LGI2: variants seen among roughly 807,000 people sequenced by gnomAD.
LGI2 encodes leucine rich repeat LGI family member 2.
A neutral mutation model predicts 52.0 loss-of-function variants in LGI2; 30 were observed. That is an observed-to-expected ratio of 0.58 (90% CI 0.43 to 0.78). The LOEUF (loss-of-function observed/expected upper bound fraction) is 0.78, where lower values mean the gene tolerates loss of function less well. Among genes scored for constraint, LGI2 ranks in the 30% least tolerant of loss-of-function variants. The probability of loss-of-function intolerance (pLI) is 0.00; values close to 1 mark genes in which losing one functional copy is unlikely to be tolerated. For missense variants in LGI2, 573 were observed against 692.5 expected (o/e 0.83, Z 1.94); for synonymous variants, 270 against 271.8 (o/e 0.99, Z 0.06).
downstream of LGI2, among the ~76,000 whole-genome samples, chr4:24,994,437 C>T (rs959537475): frequency 6.6e-6 from 1 of 152,118 alleles, no homozygotes; most frequent in Non-Finnish European, 1.5e-5. Flanking sequence ...TGGAGGGAGT[C>T]CGGGAGCACA....
chr4:25,007,346 A>G (rs1039179048), intron 7 of LGI2, among the ~76,000 whole-genome samples: 5 of 152,208 alleles, frequency 3.3e-5, no homozygotes, highest in Admixed American at 1.3e-4. Flanking sequence ...TTTAACTGCC[A>G]AGCTGCTCTT....
At chr4:25,012,613 G>A in intron 6 of LGI2, 114 bp from the exon 7 acceptor site, 1 of 1,030,792 alleles carries the variant, frequency 9.7e-7, no homozygotes, top group Non-Finnish European at 1.4e-6. Context: ...GGAGGAGGAG[G>A]AGGATAGGAG....
At chr4:25,023,492 G>A (rs529735660) in intron 4 of LGI2, among the ~76,000 whole-genome samples, 4 of 152,304 alleles carry the variant, frequency 2.6e-5, no homozygotes, top group African/African-American at 7.2e-5. Context: ...TTTAACTTAG[G>A]CAGAGCCTCT....
downstream of LGI2, among the ~76,000 whole-genome samples, chr4:24,997,709 T>A (rs2109398097): frequency 6.6e-6 from 1 of 152,306 alleles, no homozygotes; most frequent in South Asian, 2.1e-4. Context: ...GACCTTAAGG[T>A]GACTTCTTGC....
At position 25,003,590 on chromosome 4, in the gene LGI2, T is replaced by A. The variant is rs1725310329; in HGVS notation, c.1499A>T (p.Lys500Ile). The change falls in exon 8 of 8, where the codon AAA becomes ATA. Residue 500 changes from lysine to isoleucine, a missense_variant. Lys to Ile is a moderately radical substitution (Grantham distance 102, BLOSUM62 -3). Coordinates refer to ENST00000382114, the MANE Select transcript of LGI2 (RefSeq NM_018176.4). ...YQWDKEKQLF[K>I]KFKEIYVQAP... ...CTGCACGTAAATCTCCTTAAACTTTTTGAATAGCTGCTTCTCTTTATCCCA... is the reference window on the plus strand; with the variant it reads ...CTGCACGTAAATCTCCTTAAACTTTATGAATAGCTGCTTCTCTTTATCCCA... The A allele has an allele frequency of 6.2e-7, 1 of 1,614,080 alleles. No individual in the cohort carries two copies. Among genetic ancestry groups the A allele is most frequent in the South Asian group, 1.1e-5 (1 of 91,092 alleles).
rs147783183 is a variant in LGI2 at position 25,026,109 on chromosome 4, G to A, written c.341+759C>T. Among the ~76,000 whole-genome samples, 112 of 151,848 alleles carry A rather than the reference G, an allele frequency of 7.4e-4. 2 individuals are homozygous for A. The highest frequency in any genetic ancestry group is 3.4e-3 in the Middle Eastern group (1 of 294). On this transcript the variant is annotated intron_variant, in intron 3 of 7. Coordinates refer to ENST00000382114, the MANE Select transcript of LGI2 (RefSeq NM_018176.4). ...CAGAGAGCTTTCTTATATCTAGGAT[G>A]TGTCTAGAATTCCAATACCTACCTG...
chr4:25,012,240 C>T (rs540977072), intron 7 of LGI2, 95 bp downstream of exon 7: 387 of 1,377,366 alleles, frequency 2.8e-4, no homozygotes, highest in Non-Finnish European at 3.8e-4. Flanking sequence ...GTTAGAGAGC[C>T]GAGCTCTCCC....
At chr4:25,025,271 C>G (rs1286253632) in intron 3 of LGI2, among the ~76,000 whole-genome samples, 2 of 152,248 alleles carry the variant, frequency 1.3e-5, no homozygotes, top group Non-Finnish European at 2.9e-5. Flanking sequence ...TTCACGGTGC[C>G]TGGCTATTCA....
intron 4 of LGI2, among the ~76,000 whole-genome samples, chr4:25,019,609 G>T (rs1725888984): frequency 6.6e-6 from 1 of 152,074 alleles, no homozygotes; most frequent in South Asian, 2.1e-4. Flanking sequence ...CTACTCAGTG[G>T]ATCTCTGATC....
In LGI2 at chr4:24,999,196, A is replaced by G. The variant is rs146481296; in HGVS notation, c.*4255T>C. 3.7e-4 allele frequency: 57 copies of G among 152,362 alleles called. No individual in the cohort carries two copies. Among genetic ancestry groups the G allele is most frequent in the African/African-American group, 1.3e-3 (55 of 41,578 alleles). The allele number at this position is 152,362 out of a possible 1,614,324, so 9.4% of individuals were successfully genotyped here. A position where few individuals can be genotyped will look rare whatever the true frequency, so the allele number is the denominator to read the frequency against. ...AGCAATGGAATACAGTAAGGATAAT[A>G]ATAACTTGGTTTCGATCTCAGTAGC... is the stretch of plus-strand genomic sequence containing the variant. On this transcript the variant is annotated 3_prime_UTR_variant, in exon 8 of 8. Transcript: ENST00000382114.
In LGI2 at chr4:25,018,047, C is replaced by T; in HGVS notation, c.597G>A (p.Glu199=). The change falls in exon 6 of 8, where the codon GAG becomes GAA. Residue 199 remains glutamate (E), a synonymous_variant. Coordinates refer to ENST00000382114, the MANE Select transcript of LGI2 (RefSeq NM_018176.4). The part of the protein sequence containing the change: ...VSDVLCIGPP[E]YQEKKLNDVT... The stretch of plus-strand genomic sequence containing the variant: ...CGTCATTTAGCTTCTTTTCCTGATA[C>T]TCTGGTGGACCAATACACAGCACAT... 1 of 1,613,366 alleles carries T rather than the reference C, an allele frequency of 6.2e-7. No homozygotes were observed. Among genetic ancestry groups the T allele is most frequent in the Non-Finnish European group, 8.5e-7 (1 of 1,179,792 alleles).
intron 7 of LGI2, among the ~76,000 whole-genome samples, chr4:25,006,473 C>T (rs1164606043): frequency 1.3e-5 from 2 of 152,198 alleles, no homozygotes; most frequent in Non-Finnish European, 2.9e-5. Context: ...GGGGCTGACA[C>T]TGGGTGGTTT....
Position 25,003,847 on chromosome 4 carries a change from G to T in LGI2, c.1242C>A (p.Ile414=). 6.2e-7 allele frequency: 1 copy of T among 1,614,190 alleles called. No homozygotes were observed. Among genetic ancestry groups the T allele is most frequent in the Non-Finnish European group, 8.5e-7 (1 of 1,180,050 alleles). Residue 414 remains isoleucine (I), a synonymous_variant, in exon 8 of 8, where the codon ATC becomes ATA. Transcript: ENST00000382114. ...SSKKFVPHGD[I]PNMEDVLAVK... ...CAGCCAGTACGTCCTCCATGTTGGG[G>T]ATGTCACCATGGGGGACAAACTTCT...
intron 6 of LGI2, among the ~76,000 whole-genome samples, chr4:25,017,456 C>T (rs748170917): frequency 5.5e-5 from 8 of 144,624 alleles, no homozygotes; most frequent in African/African-American, 7.7e-5. Flanking sequence ...GCAGGAGAAT[C>T]GCTTGAACCC....
In LGI2 at chr4:25,026,911, T is replaced by C. The variant is rs1255239809; in HGVS notation, c.298A>G (p.Ile100Val). ...LLLNSNSFTI[I>V]RDDAFAGLFH... ...AGTCCAGCAAAAGCATCATCCCGGA[T>C]GATCGTGAATGAGTTAGAATTCAGC... The change falls in exon 3 of 8, where the codon ATC becomes GTC. Residue 100 changes from isoleucine to valine, a missense_variant. Physicochemically the swap from Ile to Val is conservative, Grantham distance 29. Coordinates refer to ENST00000382114, the MANE Select transcript of LGI2 (RefSeq NM_018176.4). 1 of 1,613,788 alleles carries C rather than the reference T, an allele frequency of 6.2e-7. No individual in the cohort carries two copies.
downstream of LGI2, chr4:24,998,805 G>C (rs1484857089): frequency 2.0e-5 from 3 of 152,126 alleles, no homozygotes; most frequent in African/African-American, 7.2e-5. Flanking sequence ...TGTGACTCAA[G>C]TGGCCATATT....
chr4:25,006,691 G>A (rs1725400819), intron 7 of LGI2, among the ~76,000 whole-genome samples: 2 of 152,196 alleles, frequency 1.3e-5, no homozygotes, highest in South Asian at 4.1e-4. Flanking sequence ...CACTTTACAT[G>A]CATTTACTTA....
chr4:25,018,945 C>T (rs142805938), intron 5 of LGI2, among the ~76,000 whole-genome samples: 3 of 152,154 alleles, frequency 2.0e-5, no homozygotes, highest in Non-Finnish European at 2.9e-5. Context: ...TGATCTCCCA[C>T]CCAGCAAGTG....
downstream of LGI2, among the ~76,000 whole-genome samples, chr4:24,996,649 C>T (rs888567045): frequency 2.0e-5 from 3 of 152,132 alleles, no homozygotes; most frequent in Admixed American, 2.0e-4. Flanking sequence ...ACCTTGGAAC[C>T]AAACAGGGAG....
Sources: allele counts gnomAD v4.1 joint callset (sites outside exome capture counted in the v4.1 genomes callset), GRCh38; gene constraint gnomAD v4.1.1; transcripts MANE v1.5; gene names NCBI Gene and HGNC (gene_info 2026-07-23, HGNC 2026-07-21).